The following MLIP variants were observed in gnomAD, a reference collection of about 807,000 sequenced individuals.
MLIP encodes muscular LMNA interacting protein.
A neutral mutation model predicts 84.8 loss-of-function variants in MLIP; 79 were observed. That is an observed-to-expected ratio of 0.93 (90% CI 0.78 to 1.12). The LOEUF is 1.12. Among genes scored for constraint, MLIP ranks in the 50% most tolerant of loss-of-function variants. The pLI is 0.00. For synonymous variants in MLIP, 504 were observed against 463.0 expected (o/e 1.09, Z -1.14); for missense variants, 1,257 against 1,160.6 (o/e 1.08, Z -1.21).
intron 4 of MLIP, among the ~76,000 whole-genome samples, chr6:54,141,718 T>G (rs1200665393): frequency 1.3e-5 from 2 of 152,204 alleles, no homozygotes; most frequent in African/African-American, 4.8e-5. Flanking sequence ...CTGTTCTGCC[T>G]TCATTTATAA....
chr6:54,121,454 C>T lies in MLIP; in HGVS notation c.104C>T (p.Ala35Val). ...GSIQTTPQVS[A>V]GGSEAKPLIF... The stretch of plus-strand genomic sequence containing the variant: ...TAACTACATGTCTCATAGGTCTCTG[C>T]TGGTGGTTCTGAAGCCAAACCTCTG... Residue 35 changes from alanine to valine, a missense_variant, in exon 2 of 14, where the codon GCT becomes GTT. By Grantham distance (64) the Ala-to-Val change is moderately conservative. Transcript: ENST00000502396. 6.2e-7 allele frequency: 1 copy of T among 1,613,988 alleles called. No individual in the cohort carries two copies. The highest frequency in any genetic ancestry group is 8.5e-7 in the Non-Finnish European group (1 of 1,179,962).
chr6:54,203,271 A>G (rs936335228), intron 11 of MLIP, among the ~76,000 whole-genome samples: 3 of 152,184 alleles, frequency 2.0e-5, no homozygotes, highest in Non-Finnish European at 2.9e-5. Context: ...TATGGGCTAT[A>G]TATTTTATTG....
chr6:54,064,195 T>C (rs1236583332), intron 1 of MLIP, among the ~76,000 whole-genome samples: 5 of 100,110 alleles, frequency 5.0e-5, no homozygotes, highest in African/African-American at 1.0e-4. Context: ...CAATCCCCAG[T>C]GTCAAGAGTT....
At chr6:54,254,602 T>A (rs1343486189) in intron 12 of MLIP, among the ~76,000 whole-genome samples, 1 of 152,060 alleles carries the variant, frequency 6.6e-6, no homozygotes, top group Non-Finnish European at 1.5e-5. Context: ...TCTTCCTTAA[T>A]CAACAAAATA....
chr6:54,134,020 T>C (rs1242261752), intron 3 of MLIP, among the ~76,000 whole-genome samples: 1 of 152,034 alleles, frequency 6.6e-6, no homozygotes, highest in Non-Finnish European at 1.5e-5. Flanking sequence ...AGAACAGCCT[T>C]GAGGGAGAAG....
intron 9 of MLIP, among the ~76,000 whole-genome samples, chr6:54,187,098 C>T (rs1777470963): frequency 6.6e-6 from 1 of 152,134 alleles, no homozygotes; most frequent in African/African-American, 2.4e-5. Context: ...AACAGGACTC[C>T]AAACCTATGA....
At chr6:54,104,883 G>A (rs79180387) in intron 1 of MLIP, among the ~76,000 whole-genome samples, 186 of 152,108 alleles carry the variant, frequency 1.2e-3, no homozygotes, top group Non-Finnish European at 2.2e-3. Flanking sequence ...GGGAAACCAC[G>A]GGCTAAACAC....
intron 1 of MLIP, among the ~76,000 whole-genome samples, chr6:54,081,519 T>C (rs968823357): frequency 1.3e-5 from 2 of 152,174 alleles, no homozygotes; most frequent in African/African-American, 4.8e-5. Flanking sequence ...GCGATTCTCC[T>C]GCCTCAGCCT....
At chr6:54,230,461 C>A (rs1022132396) in intron 11 of MLIP, among the ~76,000 whole-genome samples, 4 of 152,070 alleles carry the variant, frequency 2.6e-5, no homozygotes, top group African/African-American at 7.2e-5. Flanking sequence ...AACCTGGTAC[C>A]CTTCAGGAGA....
At chr6:54,240,212 T>G (rs192483247) in intron 12 of MLIP, among the ~76,000 whole-genome samples, 2 of 152,340 alleles carry the variant, frequency 1.3e-5, no homozygotes, top group African/African-American at 4.8e-5. Flanking sequence ...ACTGTCACAT[T>G]CCAACTTCAG....
At chr6:54,103,561 G>T (rs539200647) in intron 1 of MLIP, among the ~76,000 whole-genome samples, 7 of 152,138 alleles carry the variant, frequency 4.6e-5, no homozygotes, top group Non-Finnish European at 8.8e-5. Flanking sequence ...TCTCAACTGT[G>T]TATTGCACAC....
intron 1 of MLIP, among the ~76,000 whole-genome samples, chr6:54,104,746 T>G (rs1179383945): frequency 6.6e-6 from 1 of 152,136 alleles, no homozygotes; most frequent in African/African-American, 2.4e-5. Flanking sequence ...CTTCTTTTCT[T>G]ACATTCATCA....
intron 10 of MLIP, among the ~76,000 whole-genome samples, chr6:54,197,176 T>C (rs1456623586): frequency 6.6e-6 from 1 of 152,062 alleles, no homozygotes; most frequent in Non-Finnish European, 1.5e-5. Flanking sequence ...TTGTAGGCAC[T>C]ACCAGGGCTT....
intron 10 of MLIP, among the ~76,000 whole-genome samples, chr6:54,190,900 A>C (rs1777854607): frequency 6.7e-6 from 1 of 148,164 alleles, no homozygotes; most frequent in Non-Finnish European, 1.5e-5. Context: ...GGTTCACGCC[A>C]TTCTCCTGCC....
At chr6:54,046,820 A>C (rs2150310877) in intron 1 of MLIP, 1 of 152,300 alleles carries the variant, frequency 6.6e-6, no homozygotes, top group Non-Finnish European at 1.5e-5. Flanking sequence ...GATAGTCTTG[A>C]TTGTCAGACC....
At chr6:54,210,603 C>T (rs1779377293) in intron 11 of MLIP, among the ~76,000 whole-genome samples, 1 of 150,934 alleles carries the variant, frequency 6.6e-6, no homozygotes, top group Non-Finnish European at 1.5e-5. Flanking sequence ...TCAACAGCAC[C>T]ATGTTAGAAA....
chr6:54,020,391 C>T (rs993870103), intron 1 of MLIP, among the ~76,000 whole-genome samples: 2 of 152,060 alleles, frequency 1.3e-5, no homozygotes, highest in Non-Finnish European at 2.9e-5. Flanking sequence ...AGTTAAAATG[C>T]ATTTAAAAGT....
At chr6:54,075,691 T>A (rs920426431) in intron 1 of MLIP, among the ~76,000 whole-genome samples, 8 of 152,232 alleles carry the variant, frequency 5.3e-5, no homozygotes, top group Admixed American at 5.2e-4. Context: ...ATAGTCAGGA[T>A]GCAAGTCCAG....
chr6:54,098,520 A>AG (rs1768396879), intron 1 of MLIP, among the ~76,000 whole-genome samples: 1 of 151,674 alleles, frequency 6.6e-6, no homozygotes, highest in Admixed American at 6.6e-5. Context: ...GAAAAGAACC[A>AG]GGGCAGGATG....
Sources: allele counts gnomAD v4.1 joint callset (sites outside exome capture counted in the v4.1 genomes callset), GRCh38; gene constraint gnomAD v4.1.1; transcripts MANE v1.5; gene names NCBI Gene and HGNC (gene_info 2026-07-23, HGNC 2026-07-21).